TRIP4: variants seen among roughly 807,000 people sequenced by gnomAD.
TRIP4 encodes the protein thyroid hormone receptor interactor 4.
TRIP4 carries 54 observed loss-of-function variants against 81.8 expected under a neutral mutation model. The observed-to-expected ratio is 0.66, with a 90% CI of 0.53 to 0.83. TRIP4 has a LOEUF of 0.83. TRIP4 is among the 40% of genes least tolerant of loss of function. The probability of loss-of-function intolerance (pLI) is 0.00; values close to 1 mark genes in which losing one functional copy is unlikely to be tolerated. For missense variants in TRIP4, 662 were observed against 683.6 expected (o/e 0.97, Z 0.35); for synonymous variants, 270 against 242.8 (o/e 1.11, Z -1.04).
chr15:64,431,929 G>T (rs1460808327), intron 11 of TRIP4, among the ~76,000 whole-genome samples: 3 of 140,220 alleles, frequency 2.1e-5, no homozygotes, highest in African/African-American at 8.0e-5. Flanking sequence ...TGTCGTCCAG[G>T]GTGGTGGAGT....
chr15:64,391,890 G>A (rs939102507), intron 1 of TRIP4, among the ~76,000 whole-genome samples: 1 of 140,132 alleles, frequency 7.1e-6, no homozygotes, highest in African/African-American at 2.7e-5. Flanking sequence ...AGAATTTCTT[G>A]AACCTAGGAG....
At chr15:64,447,020 C>T (rs992981173) in intron 12 of TRIP4, among the ~76,000 whole-genome samples, 1 of 152,086 alleles carries the variant, frequency 6.6e-6, no homozygotes, top group Non-Finnish European at 1.5e-5. Flanking sequence ...AGGAGAATGG[C>T]GTGAACCTGG....
At chr15:64,441,851 T>C (rs1254951381) in intron 11 of TRIP4, among the ~76,000 whole-genome samples, 2 of 152,154 alleles carry the variant, frequency 1.3e-5, no homozygotes, top group Non-Finnish European at 2.9e-5. Flanking sequence ...AATTTGGTGC[T>C]CTGATTTTAA....
chr15:64,420,396 C>A (rs1476800858), intron 9 of TRIP4, among the ~76,000 whole-genome samples: 2 of 151,846 alleles, frequency 1.3e-5, no homozygotes, highest in African/African-American at 4.8e-5. Context: ...GCTGGGATTA[C>A]AGGTGTGAGC....
chr15:64,397,815 T>A lies in TRIP4; in HGVS notation c.615T>A (p.Thr205=). The change falls in exon 4 of 13, where the codon ACT becomes ACA. Residue 205 remains threonine, a synonymous_variant. Transcript: ENST00000261884. ...EGSGPCLFCG[T]LVCTHEEQDI... ...CAGGCCCTTGCTTATTCTGTGGCAC[T>A]CTGGTAAATTATTTCTTTTCTATTT... is the stretch of plus-strand genomic sequence containing the variant. 1 of 1,613,972 alleles carries A rather than the reference T, an allele frequency of 6.2e-7. No homozygotes were observed. Among genetic ancestry groups the A allele is most frequent in the Non-Finnish European group, 8.5e-7 (1 of 1,179,936 alleles).
chr15:64,428,354 T>C (rs889837204), intron 11 of TRIP4, among the ~76,000 whole-genome samples: 15 of 152,196 alleles, frequency 9.9e-5, no homozygotes, highest in Admixed American at 3.3e-4. Flanking sequence ...TGTTGATTTC[T>C]GAAGGATACC....
At chr15:64,396,048 G>A (rs1171415013) in intron 3 of TRIP4, among the ~76,000 whole-genome samples, 4 of 150,176 alleles carry the variant, frequency 2.7e-5, no homozygotes, top group Admixed American at 6.7e-5. Flanking sequence ...AGCTGGGACT[G>A]CATGCGCACA....
At chr15:64,426,535 A>G (rs1210868418) in intron 11 of TRIP4, among the ~76,000 whole-genome samples, 1 of 152,008 alleles carries the variant, frequency 6.6e-6, no homozygotes, top group Non-Finnish European at 1.5e-5. Flanking sequence ...CCCCGCTTCT[A>G]CTAAAAATAC....
At chr15:64,445,393 G>A in intron 12 of TRIP4, 2 of 179,764 alleles carry the variant, frequency 1.1e-5, no homozygotes, top group Non-Finnish European at 2.3e-5. Flanking sequence ...TTGGGAGGCT[G>A]AGGCAGGCGG....
At chr15:64,440,557 T>C (rs1257770250) in intron 11 of TRIP4, among the ~76,000 whole-genome samples, 2 of 152,158 alleles carry the variant, frequency 1.3e-5, no homozygotes, top group Non-Finnish European at 2.9e-5. Context: ...GCATAGGCTT[T>C]ACTTTATTCC....
At position 64,446,001 on chromosome 15, in the gene TRIP4, G is replaced by A. The variant is rs560361287; in HGVS notation, c.1678+893G>A. On this transcript the variant is annotated intron_variant, in intron 12 of 12. Transcript: ENST00000261884. ...CAACTCAAGAATAAGGGCTGGGCAT[G>A]GTGGCTCATGCCTATAATCCCAGCA... is the stretch of plus-strand genomic sequence containing the variant. Among the ~76,000 whole-genome samples the A allele has an allele frequency of 2.6e-5, 4 of 152,248 alleles. No homozygotes were observed. The South Asian group carries it at 8.3e-4, about 32-fold the overall frequency.
chr15:64,434,713 A>G (rs2140306943), intron 11 of TRIP4, among the ~76,000 whole-genome samples: 1 of 152,340 alleles, frequency 6.6e-6, no homozygotes, highest in South Asian at 2.1e-4. Context: ...GACAGGAACA[A>G]TGATGCAAGG....
chr15:64,407,762 T>C (rs1481198878), intron 6 of TRIP4, among the ~76,000 whole-genome samples: 2 of 152,084 alleles, frequency 1.3e-5, no homozygotes, highest in Non-Finnish European at 2.9e-5. Context: ...GTTTTGCTGG[T>C]GTATTCATGG....
At chr15:64,436,092 C>T (rs1320885413) in intron 11 of TRIP4, among the ~76,000 whole-genome samples, 2 of 151,778 alleles carry the variant, frequency 1.3e-5, no homozygotes, top group Admixed American at 6.6e-5. Flanking sequence ...GTCAGGAGTT[C>T]GAGACCAGCC....
At chr15:64,444,422 C>T (rs1892578644) in intron 11 of TRIP4, among the ~76,000 whole-genome samples, 2 of 152,192 alleles carry the variant, frequency 1.3e-5, no homozygotes, top group Non-Finnish European at 2.9e-5. Context: ...AAGGAGGTTT[C>T]TAAATAATTT....
chr15:64,438,561 C>T (rs1326913626), intron 11 of TRIP4, among the ~76,000 whole-genome samples: 2 of 152,162 alleles, frequency 1.3e-5, no homozygotes. Context: ...TCAGGTGATG[C>T]ACTTGCCTCG....
At chr15:64,450,756 A>G (rs1054092577) in intron 12 of TRIP4, 15 of 455,796 alleles carry the variant, frequency 3.3e-5, no homozygotes, top group African/African-American at 1.2e-4. Context: ...TTAGCTTTCC[A>G]TTTTAGACAT....
chr15:64,412,417 C>T (rs1891785558), intron 7 of TRIP4, among the ~76,000 whole-genome samples: 2 of 152,150 alleles, frequency 1.3e-5, no homozygotes, highest in Non-Finnish European at 1.5e-5. Flanking sequence ...CTTGAACCTA[C>T]ATGATACAAC....
intron 1 of TRIP4, among the ~76,000 whole-genome samples, chr15:64,388,936 T>A (rs146932568): frequency 6.6e-6 from 1 of 152,210 alleles, no homozygotes; most frequent in Non-Finnish European, 1.5e-5. Flanking sequence ...TTTGTTGCGC[T>A]GCTGTTACAC....
Sources: allele counts gnomAD v4.1 joint callset (sites outside exome capture counted in the v4.1 genomes callset), GRCh38; gene constraint gnomAD v4.1.1; transcripts MANE v1.5; gene names NCBI Gene and HGNC (gene_info 2026-07-23, HGNC 2026-07-21).